The following SEMA3C variants were observed in gnomAD, a reference collection of about 807,000 sequenced individuals.
The protein encoded by SEMA3C is semaphorin-3C.
A neutral mutation model predicts 89.4 loss-of-function variants in SEMA3C; 47 were observed. That is an observed-to-expected ratio of 0.53 (90% CI 0.42 to 0.67). The LOEUF (loss-of-function observed/expected upper bound fraction) is 0.67. Ranked by LOEUF, SEMA3C falls within the 30% of genes least tolerant of loss-of-function variation. SEMA3C has a pLI of 0.00. For missense variants in SEMA3C, 839 were observed against 929.1 expected, an observed-to-expected ratio of 0.90 and a Z score of 1.26; for synonymous variants, 310 against 320.2, an observed-to-expected ratio of 0.97 and a Z score of 0.34.
At chr7:80,866,951 A>G (rs1790940842) in intron 2 of SEMA3C, among the ~76,000 whole-genome samples, 2 of 152,196 alleles carry the variant, frequency 1.3e-5, no homozygotes, top group South Asian at 2.1e-4. Flanking sequence ...GAAATTGTGG[A>G]AACAATGGAG....
At position 80,905,222 on chromosome 7, in the gene SEMA3C, CAGGGAGAGAG is replaced by C. The variant is rs1376014732; in HGVS notation, c.103+11447_103+11456del. On this transcript the variant is annotated intron_variant, in intron 2 of 17. Coordinates refer to ENST00000265361, the MANE Select transcript of SEMA3C (RefSeq NM_006379.5). ...GTGGGAAGAGGGAGGTAGGGAGAGACAGGGAGAGAGAGGGAGAGAGAGGGAGAGATAGGGA... is the reference window on the plus strand; with the variant it reads ...GTGGGAAGAGGGAGGTAGGGAGAGACAGGGAGAGAGAGGGAGAGATAGGGA... Among the ~76,000 whole-genome samples, 22 of 91,936 alleles carry C rather than the reference CAGGGAGAGAG, an allele frequency of 2.4e-4. 1 individual carries two copies. The East Asian group carries it at 3.6e-3, about 15-fold the overall frequency. The allele number at this position is 91,936 out of a possible 152,430, so 60.3% of individuals were successfully genotyped here.
intron 2 of SEMA3C, among the ~76,000 whole-genome samples, chr7:80,836,274 T>G (rs1402343335): frequency 6.6e-6 from 1 of 152,130 alleles, no homozygotes; most frequent in Non-Finnish European, 1.5e-5. Flanking sequence ...AGACAGAAGG[T>G]TCCCCTTTTC....
At chr7:80,832,312 T>C (rs1220208377) in intron 2 of SEMA3C, among the ~76,000 whole-genome samples, 2 of 152,200 alleles carry the variant, frequency 1.3e-5, no homozygotes, top group East Asian at 3.8e-4. Flanking sequence ...ATTTCTGTTT[T>C]AATTTCCTCA....
chr7:80,784,558 AG>A (rs2117098892), intron 12 of SEMA3C, among the ~76,000 whole-genome samples: 1 of 152,282 alleles, frequency 6.6e-6, no homozygotes, highest in East Asian at 1.9e-4. Context: ...TTCTTGAAGA[AG>A]TATTAATTTT....
intron 4 of SEMA3C, among the ~76,000 whole-genome samples, chr7:80,821,729 T>G (rs1158110384): frequency 6.6e-6 from 1 of 152,222 alleles, no homozygotes; most frequent in African/African-American, 2.4e-5. Context: ...TGATGTCGAT[T>G]GCTTAATTCT....
intron 2 of SEMA3C, among the ~76,000 whole-genome samples, chr7:80,830,851 G>C (rs1583919462): frequency 1.3e-5 from 2 of 152,124 alleles, no homozygotes; most frequent in East Asian, 3.9e-4. Flanking sequence ...CGTAAGGGGA[G>C]AGGGAAGTCT....
At chr7:80,748,856 C>A in intron 17 of SEMA3C, 42 bp downstream of exon 17, 1 of 1,565,352 alleles carries the variant, frequency 6.4e-7, no homozygotes, top group South Asian at 1.2e-5. Flanking sequence ...TTAATGTTCT[C>A]TCTGAAGCCC....
chr7:80,881,162 G>C (rs1305124011), intron 2 of SEMA3C, among the ~76,000 whole-genome samples: 5 of 123,728 alleles, frequency 4.0e-5, no homozygotes, highest in Admixed American at 8.8e-5. Context: ...CCTGGAGAAA[G>C]AAACACACAC....
At chr7:80,827,576 A>G in intron 3 of SEMA3C, 89 bp from the exon 4 acceptor site, 2 of 983,994 alleles carry the variant, frequency 2.0e-6, no homozygotes, top group Non-Finnish European at 2.9e-6. Flanking sequence ...TAACAGATTT[A>G]TTTAAGGTGA....
chr7:80,818,872 C>T (rs1464092351), intron 4 of SEMA3C, among the ~76,000 whole-genome samples: 1 of 152,034 alleles, frequency 6.6e-6, no homozygotes, highest in Non-Finnish European at 1.5e-5. Context: ...AGTAACAAAT[C>T]AAATATTAAG....
At chr7:80,833,971 T>G (rs1790069615) in intron 2 of SEMA3C, among the ~76,000 whole-genome samples, 1 of 152,196 alleles carries the variant, frequency 6.6e-6, no homozygotes. Context: ...CAATTACTAG[T>G]CCATCATCTA....
At chr7:80,807,640 G>T (rs111228996) in intron 6 of SEMA3C, among the ~76,000 whole-genome samples, 2,629 of 152,148 alleles carry the variant, frequency 0.017, 71 homozygotes, top group African/African-American at 0.048. Flanking sequence ...AGTTATGTAG[G>T]CTCTTTAAAA....
chr7:80,905,976 T>A, intron 2 of SEMA3C: 2 of 998,032 alleles, frequency 2.0e-6, no homozygotes, highest in Non-Finnish European at 1.4e-6. Context: ...AACTGAATAA[T>A]AAAACCTCTT....
At position 80,916,752 on chromosome 7, in the gene SEMA3C, A is replaced by C; in HGVS notation, c.30T>G (p.Val10=). Reference sequence around the variant, plus strand: ...CACAGATAGAACAAATAAATACTCCAACCAACACGCAAATTGTCCGGAATG... The same window carrying C: ...CACAGATAGAACAAATAAATACTCCCACCAACACGCAAATTGTCCGGAATG... MAFRTICVL[V]GVFICSICVK... The change falls in exon 2 of 18, where the codon GTT becomes GTG. Residue 10 remains valine (V), a synonymous_variant. Transcript: ENST00000265361. 1 of 1,613,614 alleles carries C rather than the reference A, an allele frequency of 6.2e-7. No individual in the cohort carries two copies. The highest frequency in any genetic ancestry group is 8.5e-7 in the Non-Finnish European group (1 of 1,179,642).
At chr7:80,756,101 C>T (rs551407869) in intron 15 of SEMA3C, among the ~76,000 whole-genome samples, 5 of 152,326 alleles carry the variant, frequency 3.3e-5, no homozygotes, top group African/African-American at 9.6e-5. Context: ...TAACTGCCTA[C>T]TCAATATCCG....
At chr7:80,798,018 C>T in intron 11 of SEMA3C, 74 bp downstream of exon 11, 3 of 1,449,724 alleles carry the variant, frequency 2.1e-6, no homozygotes, top group Non-Finnish European at 1.9e-6. Context: ...CCCAAAAAAC[C>T]CCACAGATAT....
rs1792346278 is a variant in SEMA3C, at chr7:80,919,020, TCTC to T, written c.-234_-232del. Reference sequence around the variant, plus strand: ...GCAGTGCCGCGGCACCCGGAGCTCTTCTCCGCGTCGCTCAATCAAGCACCTCGG... The same window carrying T: ...GCAGTGCCGCGGCACCCGGAGCTCTTCGCGTCGCTCAATCAAGCACCTCGG... On this transcript the variant is annotated 5_prime_UTR_variant, in exon 1 of 18. Coordinates refer to ENST00000265361, the MANE Select transcript of SEMA3C (RefSeq NM_006379.5). The T allele has an allele frequency of 1.0e-6, 1 of 985,308 alleles. No individual in the cohort carries two copies. The highest frequency in any genetic ancestry group is 1.2e-6 in the Non-Finnish European group (1 of 829,894). 61.0% of individuals were successfully genotyped at this position (985,308 alleles called of 1,614,324 possible). A position where few individuals can be genotyped will look rare whatever the true frequency, so the allele number is the denominator to read the frequency against.
chr7:80,918,114 C>T (rs1258133436), intron 1 of SEMA3C, among the ~76,000 whole-genome samples: 1 of 152,170 alleles, frequency 6.6e-6, no homozygotes, highest in Non-Finnish European at 1.5e-5. Context: ...TTCACCCTGT[C>T]ATCCCTAAAT....
chr7:80,762,296 A>T (rs1438893096), intron 13 of SEMA3C, among the ~76,000 whole-genome samples: 1 of 152,110 alleles, frequency 6.6e-6, no homozygotes, highest in Non-Finnish European at 1.5e-5. Context: ...ACTCTGCATA[A>T]GACACTATTG....
Sources: allele counts gnomAD v4.1 joint callset (sites outside exome capture counted in the v4.1 genomes callset), GRCh38; gene constraint gnomAD v4.1.1; transcripts MANE v1.5; gene names NCBI Gene and HGNC (gene_info 2026-07-23, HGNC 2026-07-21).